Variants in SYN3 observed in about 807,000 individuals in gnomAD.
The protein encoded by SYN3 is synapsin III, also known as synapsin-3.
SYN3 carries 35 observed loss-of-function variants against 65.8 expected under a neutral mutation model. The ratio of observed to expected loss-of-function variants is 0.53; its 90% CI spans 0.41 to 0.70. SYN3 has a LOEUF of 0.70. SYN3 is among the 30% of genes least tolerant of loss of function. The pLI is 0.00. For missense variants in SYN3, 680 were observed against 749.0 expected (o/e 0.91, Z 1.08); for synonymous variants, 270 against 292.9 (o/e 0.92, Z 0.80).
chr22:32,945,095 T>C (rs1336301362), intron 3 of SYN3, among the ~76,000 whole-genome samples: 3 of 152,288 alleles, frequency 2.0e-5, no homozygotes, highest in African/African-American at 4.8e-5. Context: ...AGAATCAATA[T>C]TGTGAAAATG....
chr22:32,691,462 G>A (rs978799393), intron 6 of SYN3, among the ~76,000 whole-genome samples: 28 of 152,234 alleles, frequency 1.8e-4, no homozygotes, highest in African/African-American at 6.3e-4. Flanking sequence ...ATATATTTGT[G>A]TGTCTGGCAG....
intron 6 of SYN3, among the ~76,000 whole-genome samples, chr22:32,754,523 G>T (rs1050565494): frequency 6.6e-6 from 1 of 152,158 alleles, no homozygotes; most frequent in Non-Finnish European, 1.5e-5. Flanking sequence ...CACTGCCCAA[G>T]CAACCAGACC....
intron 4 of SYN3, among the ~76,000 whole-genome samples, chr22:32,897,000 C>T (rs188829640): frequency 4.6e-5 from 7 of 152,250 alleles, no homozygotes; most frequent in African/African-American, 1.4e-4. Flanking sequence ...CTTTAACCTA[C>T]GTCTCTCTCT....
rs1394819579 is a variant in SYN3, at chr22:32,667,797, TC to T, written c.712-71062del. 7.3e-4 allele frequency among the ~76,000 whole-genome samples: 109 copies of T among 150,200 alleles called. 2 individuals are homozygous for T. Among genetic ancestry groups the T allele is most frequent in the African/African-American group, 2.5e-3 (100 of 40,732 alleles). On this transcript the variant is annotated intron_variant, in intron 6 of 13. Coordinates refer to ENST00000358763, the MANE Select transcript of SYN3 (RefSeq NM_003490.4). ...AGGAGATCACTTTTCTTTCTTTCTT[TC>T]TTTTTTTTTTTTTTTTTGAGACGGA...
intron 4 of SYN3, among the ~76,000 whole-genome samples, chr22:32,888,453 C>T (rs937060803): frequency 1.3e-5 from 2 of 152,152 alleles, no homozygotes; most frequent in African/African-American, 2.4e-5. Flanking sequence ...CACGTTACAT[C>T]CCCAACAGCA....
At chr22:32,652,430 GAAACAAAGT>G (rs2060086076) in intron 6 of SYN3, among the ~76,000 whole-genome samples, 2 of 104,356 alleles carry the variant, frequency 1.9e-5, no homozygotes, top group East Asian at 4.0e-3. Context: ...AGAAAACAAA[GAAACAAAGT>G]TTCTTTGTTG....
At chr22:32,979,020 A>T (rs945670312) in intron 3 of SYN3, among the ~76,000 whole-genome samples, 3 of 151,990 alleles carry the variant, frequency 2.0e-5, no homozygotes, top group Non-Finnish European at 4.4e-5. Flanking sequence ...CTGTACTAAA[A>T]ATAGAAAAAA....
At chr22:32,928,970 A>G (rs918654467) in intron 4 of SYN3, among the ~76,000 whole-genome samples, 1 of 152,062 alleles carries the variant, frequency 6.6e-6, no homozygotes, top group African/African-American at 2.4e-5. Context: ...TCATTTCCAG[A>G]AGTTGTGTTT....
intron 4 of SYN3, among the ~76,000 whole-genome samples, chr22:32,897,344 C>G (rs1419633950): frequency 6.6e-6 from 1 of 152,212 alleles, no homozygotes; most frequent in African/African-American, 2.4e-5. Context: ...GCTTTAAGAG[C>G]TGGGCTGCTC....
chr22:32,574,311 C>G (rs1395393533), intron 7 of SYN3, among the ~76,000 whole-genome samples: 1 of 151,954 alleles, frequency 6.6e-6, no homozygotes, highest in Non-Finnish European at 1.5e-5. Context: ...GAGACCCTGT[C>G]TCTAACAAAA....
At chr22:32,799,529 A>G (rs977868964) in intron 6 of SYN3, among the ~76,000 whole-genome samples, 1 of 152,230 alleles carries the variant, frequency 6.6e-6, no homozygotes, top group African/African-American at 2.4e-5. Flanking sequence ...TGGAGAAAAT[A>G]TCGGCACTTT....
chr22:32,619,316 G>C lies in SYN3; in HGVS notation c.712-22580C>G, dbSNP rs190734108. On this transcript the variant is annotated intron_variant, in intron 6 of 13. Transcript: ENST00000358763. ...ATTAATTTAAATGGCACATAGACCT[G>C]AAATCCTATAAAGTTCATAGCCTGC... Among the ~76,000 whole-genome samples the C allele has an allele frequency of 7.9e-5, 12 of 152,296 alleles. No individual in the cohort carries two copies. In the East Asian group the frequency reaches 2.1e-3, roughly 27 times the overall value.
chr22:32,869,056 G>A lies in SYN3; in HGVS notation c.531C>T (p.Tyr177=). 5 of 1,614,134 alleles carry A rather than the reference G, an allele frequency of 3.1e-6. No individual in the cohort carries two copies. The highest frequency in any genetic ancestry group is 4.2e-6 in the Non-Finnish European group (5 of 1,179,986). The part of the protein sequence containing the change: ...HAYSMALGED[Y]RSLVIGLQYG... ...ACTGCAGGCCGATGACCAGGCTGCG[G>A]TAGTCTTCCCCCAGGGCCATGCTGT... Residue 177 remains tyrosine (Y), a synonymous_variant, in exon 5 of 14, where the codon TAC becomes TAT. Coordinates refer to ENST00000358763, the MANE Select transcript of SYN3 (RefSeq NM_003490.4).
chr22:33,052,249 G>A (rs1333199217), intron 1 of SYN3, among the ~76,000 whole-genome samples: 2 of 152,176 alleles, frequency 1.3e-5, no homozygotes, highest in Non-Finnish European at 2.9e-5. Flanking sequence ...GATTCTGCCA[G>A]GTTGAACAAT....
intron 3 of SYN3, among the ~76,000 whole-genome samples, chr22:32,954,959 TC>T (rs2051405333): frequency 1.3e-5 from 2 of 150,722 alleles, no homozygotes; most frequent in Non-Finnish European, 3.0e-5. Flanking sequence ...TTTTTTCTTT[TC>T]ATTTTAAAGG....
At chr22:32,972,191 A>G (rs1236832927) in intron 3 of SYN3, among the ~76,000 whole-genome samples, 5 of 152,206 alleles carry the variant, frequency 3.3e-5, no homozygotes, top group Non-Finnish European at 7.3e-5. Flanking sequence ...CTAGAAGTGA[A>G]TCCTACAGAT....
chr22:32,907,721 G>C (rs137539), intron 4 of SYN3, among the ~76,000 whole-genome samples: 149,482 of 152,330 alleles, frequency 0.98, 73,352 homozygotes, highest in East Asian at 1. Flanking sequence ...CAATAAAGAA[G>C]AAAATACTAA....
chr22:32,703,540 G>A (rs2060838148), intron 6 of SYN3, among the ~76,000 whole-genome samples: 2 of 151,938 alleles, frequency 1.3e-5, no homozygotes, highest in African/African-American at 4.8e-5. Context: ...GGGAGGCTGA[G>A]GCAGAAGAAT....
At chr22:32,602,141 T>A (rs1014390802) in intron 6 of SYN3, among the ~76,000 whole-genome samples, 1 of 152,182 alleles carries the variant, frequency 6.6e-6, no homozygotes, top group Non-Finnish European at 1.5e-5. Flanking sequence ...GAATTTTGCA[T>A]CTATCTTCTC....
Sources: gnomAD v4.1 joint callset for allele counts (sites outside exome capture counted in the v4.1 genomes callset) on GRCh38, gnomAD v4.1.1 for gene constraint, MANE v1.5 for transcripts, NCBI Gene and HGNC (gene_info 2026-07-23, HGNC 2026-07-21) for gene names.